PMEPA1: variants seen among roughly 807,000 people sequenced by gnomAD.
PMEPA1 encodes the protein prostate transmembrane protein, androgen induced 1.
In PMEPA1, 11 loss-of-function variants were observed where a neutral mutation model predicts 23.0. The ratio of observed to expected loss-of-function variants is 0.48; its 90% CI spans 0.30 to 0.79. The LOEUF (loss-of-function observed/expected upper bound fraction) is 0.79. PMEPA1 is among the 30% of genes least tolerant of loss of function. The pLI, the probability that PMEPA1 is intolerant of heterozygous loss-of-function variation, is 0.06. For missense variants in PMEPA1, 377 were observed against 390.9 expected (o/e 0.96, Z 0.30); for synonymous variants, 204 against 166.4 (o/e 1.23, Z -1.74).
At chr20:57,659,489 G>A in intron 2 of PMEPA1, 54 bp downstream of exon 2, 1 of 1,571,208 alleles carries the variant, frequency 6.4e-7, no homozygotes, top group Non-Finnish European at 8.7e-7. Flanking sequence ...GTTTTTACAA[G>A]GGGCGTCCCA....
chr20:57,656,226 C>A lies in PMEPA1; in HGVS notation c.265-3140G>T, dbSNP rs760042949. On this transcript the variant is annotated intron_variant, in intron 2 of 3. Transcript: ENST00000341744. This position sits in a 1 kb window ranked among gnomAD's most constrained non-coding sequence, Gnocchi z 4.7. ...TTCCCCCACAGCCCAGCACAAGGGGCCTGGGGGAATTCGGTATCTCCTGAG... is the reference window on the plus strand; with the variant it reads ...TTCCCCCACAGCCCAGCACAAGGGGACTGGGGGAATTCGGTATCTCCTGAG... Among the ~76,000 whole-genome samples, 4 of 150,266 alleles carry A rather than the reference C, an allele frequency of 2.7e-5. No homozygotes were observed. The highest frequency in any genetic ancestry group is 9.7e-5 in the African/African-American group (4 of 41,086).
intron 1 of PMEPA1, among the ~76,000 whole-genome samples, chr20:57,703,377 C>T (rs1296824321): frequency 6.6e-6 from 1 of 152,236 alleles, no homozygotes; most frequent in Non-Finnish European, 1.5e-5. Flanking sequence ...GGGCTTTCTG[C>T]TCCCAGGTTA....
intron 1 of PMEPA1, among the ~76,000 whole-genome samples, chr20:57,680,558 A>G (rs983008745): frequency 2.0e-5 from 3 of 152,230 alleles, no homozygotes; most frequent in Non-Finnish European, 4.4e-5. Context: ...ATGATAGTGA[A>G]TATCTCAGGC....
chr20:57,670,856 C>T (rs1052869393), intron 1 of PMEPA1, among the ~76,000 whole-genome samples: 9 of 152,108 alleles, frequency 5.9e-5, no homozygotes, highest in Non-Finnish European at 8.8e-5. Context: ...CATTCATTTC[C>T]GAAGCTTTGG....
intron 1 of PMEPA1, among the ~76,000 whole-genome samples, chr20:57,703,440 G>A (rs910125607): frequency 3.3e-5 from 5 of 152,200 alleles, no homozygotes; most frequent in Non-Finnish European, 7.4e-5. Context: ...GGGCGGTGTT[G>A]ACCTCACGGC....
At chr20:57,673,285 A>C (rs892577462) in intron 1 of PMEPA1, among the ~76,000 whole-genome samples, 2 of 151,348 alleles carry the variant, frequency 1.3e-5, no homozygotes, top group African/African-American at 4.9e-5. Context: ...CCAATGGCCC[A>C]GCCCCTGCAG....
chr20:57,655,731 ACTC>A lies in PMEPA1; in HGVS notation c.265-2648_265-2646del, dbSNP rs2071317562. Among the ~76,000 whole-genome samples, 1 of 151,754 alleles carries A rather than the reference ACTC, an allele frequency of 6.6e-6. No homozygotes were observed. Among genetic ancestry groups the A allele is most frequent in the African/African-American group, 2.4e-5 (1 of 41,276 alleles). The stretch of plus-strand genomic sequence containing the variant: ...CCCAGACTCCCAGGGCTCGGGGTGG[ACTC>A]CTCTTCTTTGAAGTGGGCGCACCCA... On this transcript the variant is annotated intron_variant, in intron 2 of 3. Coordinates refer to ENST00000341744, the MANE Select transcript of PMEPA1 (RefSeq NM_020182.5). The surrounding 1 kb of genome is among the most constrained non-coding windows in gnomAD (Gnocchi z 4.2).
intron 1 of PMEPA1, among the ~76,000 whole-genome samples, chr20:57,706,086 T>A (rs1447838194): frequency 1.3e-5 from 2 of 152,110 alleles, no homozygotes; most frequent in Non-Finnish European, 2.9e-5. Context: ...GCTCGGTGAC[T>A]CTGGCCAGTG....
chr20:57,694,123 C>T (rs1482402560), intron 1 of PMEPA1, among the ~76,000 whole-genome samples: 5 of 152,150 alleles, frequency 3.3e-5, no homozygotes. Flanking sequence ...ATCGAGTTGC[C>T]CCTGACCTTC....
At chr20:57,705,097 G>A (rs1158312010) in intron 1 of PMEPA1, among the ~76,000 whole-genome samples, 1 of 152,202 alleles carries the variant, frequency 6.6e-6, no homozygotes, top group African/African-American at 2.4e-5. Flanking sequence ...AGACAGATGG[G>A]GTAGAAGCTG....
intron 1 of PMEPA1, among the ~76,000 whole-genome samples, chr20:57,706,880 G>A (rs2072097776): frequency 6.6e-6 from 1 of 152,164 alleles, no homozygotes; most frequent in Non-Finnish European, 1.5e-5. Flanking sequence ...GACCACACAG[G>A]GGAACCAGCA....
At chr20:57,694,144 G>A (rs62204953) in intron 1 of PMEPA1, among the ~76,000 whole-genome samples, 1 of 152,170 alleles carries the variant, frequency 6.6e-6, no homozygotes, top group East Asian at 1.9e-4. Flanking sequence ...AAATAGCTGG[G>A]TGACCTCAAA....
intron 1 of PMEPA1, among the ~76,000 whole-genome samples, chr20:57,684,144 T>C (rs1385211621): frequency 6.6e-6 from 1 of 152,086 alleles, no homozygotes; most frequent in Non-Finnish European, 1.5e-5. Flanking sequence ...TGACTCCCCC[T>C]CCCCAGCTTT....
chr20:57,663,371 C>G (rs1232656613), intron 1 of PMEPA1, among the ~76,000 whole-genome samples: 1 of 152,098 alleles, frequency 6.6e-6, no homozygotes, highest in East Asian at 1.9e-4. Flanking sequence ...CAGCCTGGCT[C>G]TTGGGGGCCC....
intron 1 of PMEPA1, among the ~76,000 whole-genome samples, chr20:57,698,815 G>GCA (rs1491159902): frequency 1.1e-4 from 16 of 151,432 alleles, no homozygotes; most frequent in African/African-American, 2.7e-4. Flanking sequence ...ACATATAGAG[G>GCA]CACACACACA....
intron 1 of PMEPA1, among the ~76,000 whole-genome samples, chr20:57,688,493 G>A (rs777185579): frequency 3.3e-5 from 5 of 152,128 alleles, no homozygotes; most frequent in Non-Finnish European, 5.9e-5. Flanking sequence ...GTCCCTAGGG[G>A]GCAGTTGAGA....
At chr20:57,674,479 TAATACACCTTGTTTAGAC>T (rs1395036382) in intron 1 of PMEPA1, among the ~76,000 whole-genome samples, 1 of 152,170 alleles carries the variant, frequency 6.6e-6, no homozygotes, top group Non-Finnish European at 1.5e-5. Flanking sequence ...CTGAGCAGAA[TAATACACCTTGTTTAGAC>T]AGACAGAGGG....
At chr20:57,698,286 C>A (rs2146706981) in intron 1 of PMEPA1, among the ~76,000 whole-genome samples, 1 of 152,292 alleles carries the variant, frequency 6.6e-6, no homozygotes, top group East Asian at 1.9e-4. Context: ...AATTGACACC[C>A]TCTCCATCAT....
chr20:57,680,059 G>T (rs955544878), intron 1 of PMEPA1, among the ~76,000 whole-genome samples: 2 of 152,212 alleles, frequency 1.3e-5, no homozygotes, highest in Non-Finnish European at 2.9e-5. Context: ...GGTGAGCCTA[G>T]CTTGTGGCAT....
Sources: allele counts gnomAD v4.1 joint callset (sites outside exome capture counted in the v4.1 genomes callset), GRCh38; gene constraint gnomAD v4.1.1; non-coding constraint Gnocchi (gnomAD v3.1); transcripts MANE v1.5; gene names NCBI Gene and HGNC (gene_info 2026-07-23, HGNC 2026-07-21).